The following DOK6 variants were observed in gnomAD, a reference collection of about 807,000 sequenced individuals.
DOK6 encodes docking protein 6.
Under a neutral mutation model 44.0 loss-of-function variants are expected in DOK6, and 22 were observed. That is an observed-to-expected ratio of 0.50 (90% confidence interval 0.36 to 0.71). The LOEUF is 0.71. Ranked by LOEUF, DOK6 falls within the 30% of genes least tolerant of loss-of-function variation. The pLI, the probability that DOK6 is intolerant of heterozygous loss-of-function variation, is 0.00. For synonymous variants in DOK6, 166 were observed against 145.5 expected, an observed-to-expected ratio of 1.14 and a Z score of -1.01; for missense variants, 340 against 416.4, an observed-to-expected ratio of 0.82 and a Z score of 1.60.
chr18:69,471,250 C>CA (rs71176969), intron 1 of DOK6, among the ~76,000 whole-genome samples: 2,203 of 27,674 alleles, frequency 0.08, 188 homozygotes, highest in East Asian at 0.29. Context: ...AACTCCATCT[C>CA]AAAAAAAAAA....
intron 7 of DOK6, chr18:69,777,751 C>CAAAAAAAA (rs34769679): frequency 2.8e-5 from 3 of 107,228 alleles, no homozygotes; most frequent in African/African-American, 8.5e-5. Context: ...CCTTCACTGA[C>CAAAAAAAA]AAAAAAAAAA....
chr18:69,757,599 A>G (rs554901068), intron 6 of DOK6, among the ~76,000 whole-genome samples, 157 bp from the exon 7 acceptor site: 51 of 152,310 alleles, frequency 3.3e-4, no homozygotes, highest in Non-Finnish European at 2.5e-4. Flanking sequence ...TTTTTGAGTA[A>G]TGATTTTACT....
intron 7 of DOK6, among the ~76,000 whole-genome samples, chr18:69,763,393 G>A (rs762100362): frequency 2.4e-4 from 36 of 152,086 alleles, no homozygotes; most frequent in Non-Finnish European, 4.0e-4. Context: ...TTTATATCAC[G>A]CTCATACTAG....
chr18:69,820,361 C>G (rs572406136), intron 7 of DOK6, among the ~76,000 whole-genome samples: 14 of 152,220 alleles, frequency 9.2e-5, no homozygotes, highest in African/African-American at 3.4e-4. Context: ...TAGCAAGTGT[C>G]AGAAGAAAGC....
chr18:69,776,960 G>A lies in DOK6; in HGVS notation c.856+19087G>A, dbSNP rs984699612. On this transcript the variant is annotated intron_variant, in intron 7 of 7. Transcript: ENST00000382713. ...TGGGAATTGAACAATGAGAACACACGGACACAGGAAGGGGAACATCACACT... is the reference window on the plus strand; with the variant it reads ...TGGGAATTGAACAATGAGAACACACAGACACAGGAAGGGGAACATCACACT... 1.7e-4 allele frequency among the ~76,000 whole-genome samples: 25 copies of A among 143,280 alleles called. No individual in the cohort carries two copies. In the Middle Eastern group the frequency reaches 0.014, roughly 82 times the overall value. 94.0% of individuals were successfully genotyped at this position (143,280 alleles called of 152,430 possible).
chr18:69,438,225 G>A (rs544725698), intron 1 of DOK6, among the ~76,000 whole-genome samples: 9 of 152,202 alleles, frequency 5.9e-5, no homozygotes, highest in Admixed American at 1.3e-4. Flanking sequence ...GTAGAACTTC[G>A]CTCACAATTG....
At chr18:69,473,080 C>G (rs1980161896) in intron 1 of DOK6, among the ~76,000 whole-genome samples, 1 of 152,066 alleles carries the variant, frequency 6.6e-6, no homozygotes, top group Non-Finnish European at 1.5e-5. Flanking sequence ...CAAGTATCAA[C>G]TTGGTTGGGA....
intron 7 of DOK6, among the ~76,000 whole-genome samples, chr18:69,808,448 C>T (rs536337538): frequency 7.9e-5 from 12 of 151,590 alleles, no homozygotes; most frequent in African/African-American, 1.9e-4. Flanking sequence ...TCAAAGTAAA[C>T]GAGTTAGAGA....
intron 1 of DOK6, among the ~76,000 whole-genome samples, chr18:69,529,573 G>C (rs1348295): frequency 0.33 from 50,162 of 152,052 alleles, 9,053 homozygotes; most frequent in African/African-American, 0.46. Flanking sequence ...GCAAGATAGC[G>C]TAATGGGCAC....
intron 7 of DOK6, among the ~76,000 whole-genome samples, chr18:69,808,761 G>GT (rs1351658896): frequency 6.6e-6 from 1 of 151,710 alleles, no homozygotes; most frequent in Non-Finnish European, 1.5e-5. Flanking sequence ...AATGTGAACA[G>GT]AACAATAACA....
At chr18:69,500,896 G>A (rs564154666) in intron 1 of DOK6, among the ~76,000 whole-genome samples, 128 of 152,180 alleles carry the variant, frequency 8.4e-4, no homozygotes, top group Non-Finnish European at 1.5e-3. Context: ...GACAGCTAAT[G>A]TGATTTATAA....
intron 1 of DOK6, among the ~76,000 whole-genome samples, chr18:69,510,527 ACAGAGC>A (rs1981337315): frequency 1.1e-5 from 1 of 88,070 alleles, no homozygotes; most frequent in Non-Finnish European, 2.7e-5. Context: ...TAAATACCAA[ACAGAGC>A]GCCAAATGTT....
At chr18:69,481,521 C>T (rs1181069363) in intron 1 of DOK6, among the ~76,000 whole-genome samples, 1 of 152,066 alleles carries the variant, frequency 6.6e-6, no homozygotes, top group Non-Finnish European at 1.5e-5. Context: ...TGGTTTCCAG[C>T]TTCATCCGTG....
At chr18:69,495,975 G>A (rs185961618) in intron 1 of DOK6, among the ~76,000 whole-genome samples, 41 of 152,326 alleles carry the variant, frequency 2.7e-4, no homozygotes, top group African/African-American at 9.6e-4. Flanking sequence ...GAGAGGGAAG[G>A]CAGCGAAAGC....
chr18:69,435,025 G>GGGAGGGAAGGAAGGACGGAC (rs1978926067), intron 1 of DOK6, among the ~76,000 whole-genome samples: 1 of 72,266 alleles, frequency 1.4e-5, no homozygotes, highest in African/African-American at 5.2e-5. Context: ...TAGGGAGGGA[G>GGGAGGGAAGGAAGGACGGAC]GGAAGGAAGG....
chr18:69,492,877 C>T (rs1372003144), intron 1 of DOK6, among the ~76,000 whole-genome samples: 1 of 146,256 alleles, frequency 6.8e-6, no homozygotes, highest in South Asian at 2.2e-4. Context: ...TCAAAAGGAA[C>T]GTTTTCTTTT....
At chr18:69,457,065 A>G (rs1482659719) in intron 1 of DOK6, among the ~76,000 whole-genome samples, 1 of 152,166 alleles carries the variant, frequency 6.6e-6, no homozygotes, top group South Asian at 2.1e-4. Context: ...TTGGATGCAT[A>G]GTGTGTGAAT....
chr18:69,733,187 C>T (rs1330150517), intron 5 of DOK6, among the ~76,000 whole-genome samples: 1 of 133,114 alleles, frequency 7.5e-6, no homozygotes, highest in Non-Finnish European at 1.6e-5. Flanking sequence ...GACCTTGTCT[C>T]TATGAAAAAA....
At chr18:69,401,754 G>C (rs1408464570) in intron 1 of DOK6, among the ~76,000 whole-genome samples, 1 of 152,050 alleles carries the variant, frequency 6.6e-6, no homozygotes, top group South Asian at 2.1e-4. Context: ...AGCTCAATTC[G>C]AAATTCCCGT....
Sources: allele counts gnomAD v4.1 joint callset (sites outside exome capture counted in the v4.1 genomes callset), GRCh38; gene constraint gnomAD v4.1.1; transcripts MANE v1.5; gene names NCBI Gene and HGNC (gene_info 2026-07-23, HGNC 2026-07-21).